The following SPTAN1 variants were observed in gnomAD, a reference collection of about 807,000 sequenced individuals.
The protein encoded by SPTAN1 is spectrin alpha, non-erythrocytic 1.
A neutral mutation model predicts 331.3 loss-of-function variants in SPTAN1; 61 were observed. The observed-to-expected ratio is 0.18, with a 90% CI of 0.15 to 0.23. The LOEUF (loss-of-function observed/expected upper bound fraction) is 0.23, where lower values mean the gene tolerates loss of function less well. Ranked by LOEUF, SPTAN1 falls within the 10% of genes least tolerant of loss-of-function variation. SPTAN1 has a pLI of 1.00. For synonymous variants in SPTAN1, 1,153 were observed against 1,173.9 expected (o/e 0.98, Z 0.36); for missense variants, 2,043 against 3,147.9 (o/e 0.65, Z 8.40).
At chr9:128,600,318 T>C (rs1854942674) in intron 27 of SPTAN1, among the ~76,000 whole-genome samples, 1 of 152,226 alleles carries the variant, frequency 6.6e-6, no homozygotes, top group African/African-American at 2.4e-5. Context: ...AAATGCTCAG[T>C]ACAGTTAGGT....
chr9:128,629,196 CCTT>C lies in SPTAN1; in HGVS notation c.6708-1124_6708-1122del, dbSNP rs1016665123. On this transcript the variant is annotated intron_variant, in intron 51 of 56. Transcript: ENST00000372739. The surrounding 1 kb of genome is among the most constrained non-coding windows in gnomAD (Gnocchi z 4.9). ...GATGATCTGTCTGGAAGGTTTTTCT[CCTT>C]ATTTCTCTTCTTACCTCACTGTGGC... 5 of 398,516 alleles carry C rather than the reference CCTT, an allele frequency of 1.3e-5. No homozygotes were observed. The highest frequency in any genetic ancestry group is 4.4e-5 in the Admixed American group (1 of 22,704). 24.7% of individuals were successfully genotyped at this position (398,516 alleles called of 1,614,324 possible). A position where few individuals can be genotyped will look rare whatever the true frequency, so the allele number is the denominator to read the frequency against.
intron 14 of SPTAN1, 28 bp from the exon 15 acceptor site, chr9:128,583,049 A>G (rs1229354213): frequency 3.1e-6 from 5 of 1,610,080 alleles, no homozygotes; most frequent in Non-Finnish European, 4.2e-6. Flanking sequence ...GGTTCAAGAT[A>G]GAAAGAACCC....
At chr9:128,589,406 A>T (rs1355979335) in intron 21 of SPTAN1, among the ~76,000 whole-genome samples, 1 of 148,864 alleles carries the variant, frequency 6.7e-6, no homozygotes, top group African/African-American at 2.5e-5. Flanking sequence ...CTCCTGCCTC[A>T]GCCTCCCGAG....
chr9:128,556,133 A>C (rs562875476), intron 1 of SPTAN1, among the ~76,000 whole-genome samples: 1 of 152,180 alleles, frequency 6.6e-6, no homozygotes, highest in East Asian at 1.9e-4. Flanking sequence ...AGGCAGGAGA[A>C]TCGCTTTAAC....
chr9:128,630,028 G>T, intron 51 of SPTAN1: 2 of 537,580 alleles, frequency 3.7e-6, no homozygotes, highest in Non-Finnish European at 7.0e-6. Context: ...CTGCACCCAT[G>T]GGGGAATTTA....
chr9:128,553,915 T>TG (rs1848389194), intron 1 of SPTAN1, among the ~76,000 whole-genome samples: 1 of 151,694 alleles, frequency 6.6e-6, no homozygotes, highest in Admixed American at 6.6e-5. Flanking sequence ...GATGGAAGGG[T>TG]GGGGGTGTCT....
At chr9:128,596,210 A>G (rs1435926180) in intron 24 of SPTAN1, 2 of 151,874 alleles carry the variant, frequency 1.3e-5, no homozygotes, top group South Asian at 2.1e-4. Flanking sequence ...TTATTGCTGA[A>G]TAATATTTCA....
rs781343185 is a variant in SPTAN1 at position 128,593,062 on chromosome 9, T to G, written c.3215+20T>G. On this transcript the variant is annotated intron_variant, in intron 23 of 56. Coordinates refer to ENST00000372739, the MANE Select transcript of SPTAN1 (RefSeq NM_001130438.3). ...AGAACTGTGAGTAGGCTGAGAGTCT[T>G]GCAGAGCACCAATGTCCACTGCTAC... 9 of 1,604,440 alleles carry G rather than the reference T, an allele frequency of 5.6e-6. No homozygotes were observed. In the African/African-American group the frequency reaches 1.2e-4, roughly 21 times the overall value.
At chr9:128,602,661 A>C (rs536774145) in intron 27 of SPTAN1, among the ~76,000 whole-genome samples, 12 of 151,780 alleles carry the variant, frequency 7.9e-5, no homozygotes, top group South Asian at 2.1e-4. Flanking sequence ...TTCGAGTCGG[A>C]GTCTTGCTCC....
At chr9:128,554,976 A>G (rs1370592121) in intron 1 of SPTAN1, among the ~76,000 whole-genome samples, 1 of 152,228 alleles carries the variant, frequency 6.6e-6, no homozygotes, top group Non-Finnish European at 1.5e-5. Flanking sequence ...TTATTGCTGA[A>G]TGGAAGGGGA....
chr9:128,605,744 C>T (rs551184557), intron 31 of SPTAN1, among the ~76,000 whole-genome samples: 1 of 152,318 alleles, frequency 6.6e-6, no homozygotes, highest in Admixed American at 6.5e-5. Flanking sequence ...ATAACCCCAG[C>T]ACTTTGGTAG....
rs775332792 is a variant in SPTAN1 at position 128,625,822 on chromosome 9, C to G, written c.6123C>G (p.Ile2041Met). 6.2e-7 allele frequency: 1 copy of G among 1,614,228 alleles called. No homozygotes were observed. The highest frequency in any genetic ancestry group is 8.5e-7 in the Non-Finnish European group (1 of 1,180,036). Residue 2041 changes from isoleucine to methionine, a missense_variant, in exon 48 of 57, where the codon ATC (isoleucine) becomes ATG (methionine). By Grantham distance (10) the Ile-to-Met change is conservative (BLOSUM62 1). Around this residue, in one of 12 missense-constraint regions of SPTAN1, gnomAD observed 256 missense variants for 376.4 expected, o/e 0.68. Coordinates refer to ENST00000372739, the MANE Select transcript of SPTAN1 (RefSeq NM_001130438.3). This position sits in a 1 kb window ranked among gnomAD's most constrained non-coding sequence, Gnocchi z 4.1. ...TCCAGCAGGAAGGCATTGCCAACATCACTGCCCTCAAAGATCAGCTTCTCG... is the reference window on the plus strand; with the variant it reads ...TCCAGCAGGAAGGCATTGCCAACATGACTGCCCTCAAAGATCAGCTTCTCG... ...QAFQQEGIAN[I>M]TALKDQLLAA...
In SPTAN1 at chr9:128,632,249, C is replaced by T. The variant is rs76767787; in HGVS notation, c.6885C>T (p.Leu2295=). ...ACACGGAGCACAGCACCGTGGGCCT[C>T]GCCCAGCAGTGGGACCAGCTGGACC... is the stretch of plus-strand genomic sequence containing the variant. The part of the protein sequence containing the change: ...NKYTEHSTVG[L]AQQWDQLDQL... Residue 2295 remains leucine, a synonymous_variant, in exon 53 of 57, where the codon CTC becomes CTT. Coordinates refer to ENST00000372739, the MANE Select transcript of SPTAN1 (RefSeq NM_001130438.3). 124 of 1,613,482 alleles carry T rather than the reference C, an allele frequency of 7.7e-5. No homozygotes were observed. Among genetic ancestry groups the T allele is most frequent in the East Asian group, 2.9e-4 (13 of 44,864 alleles).
intron 42 of SPTAN1, 98 bp from the exon 43 acceptor site, chr9:128,617,889 A>G: frequency 6.2e-7 from 1 of 1,612,742 alleles, no homozygotes. Context: ...AAACCTGGAG[A>G]AGTCCCAAAC....
chr9:128,584,689 T>C (rs772014766), intron 17 of SPTAN1, 32 bp from the exon 18 acceptor site: 5 of 1,614,062 alleles, frequency 3.1e-6, no homozygotes, highest in African/African-American at 2.7e-5. Flanking sequence ...CTCTTCATGG[T>C]TGGATAACTG....
chr9:128,618,632 C>T (rs964212183), intron 43 of SPTAN1, among the ~76,000 whole-genome samples: 3 of 151,912 alleles, frequency 2.0e-5, no homozygotes, highest in East Asian at 1.9e-4. Context: ...TACAGGCACC[C>T]GCCACCAAGC....
chr9:128,624,681 G>A (rs1046660789), intron 46 of SPTAN1, 194 bp downstream of exon 46: 1 of 660,972 alleles, frequency 1.5e-6, no homozygotes, highest in South Asian at 1.9e-5. Context: ...ACCCGGAACT[G>A]GGCTGGCACC....
chr9:128,620,975 T>A (rs1255432770), intron 44 of SPTAN1, among the ~76,000 whole-genome samples, 183 bp from the exon 45 acceptor site: 1 of 152,176 alleles, frequency 6.6e-6, no homozygotes, highest in Non-Finnish European at 1.5e-5. Context: ...CACTGCCTCC[T>A]GTTTTCCTTC....
At chr9:128,621,376 AC>A in intron 45 of SPTAN1, 120 bp downstream of exon 45, 1 of 792,012 alleles carries the variant, frequency 1.3e-6, no homozygotes, top group Non-Finnish European at 2.2e-6. Flanking sequence ...CTGCGTGGAG[AC>A]CAGCAGCAAT....
Sources: allele counts gnomAD v4.1 joint callset (sites outside exome capture counted in the v4.1 genomes callset), GRCh38; gene constraint gnomAD v4.1.1; regional missense constraint gnomAD v4.1.1; non-coding constraint Gnocchi (gnomAD v3.1); transcripts MANE v1.5; gene names NCBI Gene and HGNC (gene_info 2026-07-23, HGNC 2026-07-21).